Variants in SYNE2 observed in about 807,000 individuals in gnomAD.
SYNE2 encodes spectrin repeat containing nuclear envelope protein 2.
A neutral mutation model predicts 856.3 loss-of-function variants in SYNE2; 431 were observed. That is an observed-to-expected ratio of 0.50 (90% confidence interval 0.47 to 0.55). The LOEUF (loss-of-function observed/expected upper bound fraction) is 0.55, where lower values mean the gene tolerates loss of function less well. Ranked by LOEUF, SYNE2 falls within the 20% of genes least tolerant of loss-of-function variation. SYNE2 has a pLI of 0.00. For missense variants in SYNE2, 8,129 were observed against 8,023.2 expected (o/e 1.01, Z -0.50); for synonymous variants, 2,923 against 2,872.3 (o/e 1.02, Z -0.56).
At chr14:64,047,857 T>G (rs1005067713) in intron 45 of SYNE2, 143 bp from the exon 46 acceptor site, 11 of 866,620 alleles carry the variant, frequency 1.3e-5, no homozygotes, top group Middle Eastern at 3.6e-4. Context: ...TATGGAAAAA[T>G]CATCTTTCGT....
intron 1 of SYNE2, among the ~76,000 whole-genome samples, chr14:63,791,183 A>G (rs1225917061): frequency 6.6e-6 from 1 of 152,050 alleles, no homozygotes; most frequent in Non-Finnish European, 1.5e-5. Context: ...GCTGGTCTTG[A>G]ACTTCTGACC....
chr14:64,184,360 G>GTGTGTA (rs1555532282), intron 96 of SYNE2, among the ~76,000 whole-genome samples: 31 of 151,670 alleles, frequency 2.0e-4, no homozygotes, highest in Admixed American at 9.9e-4. Context: ...GTGTGTGTGT[G>GTGTGTA]TGTATGTGTA....
intron 51 of SYNE2, among the ~76,000 whole-genome samples, chr14:64,068,197 A>G (rs2097372348): frequency 6.6e-6 from 1 of 152,116 alleles, no homozygotes; most frequent in African/African-American, 2.4e-5. Context: ...TGTTCTGACA[A>G]GTGCACACGG....
chr14:64,102,348 T>C (rs2097737835), intron 64 of SYNE2, among the ~76,000 whole-genome samples: 1 of 152,140 alleles, frequency 6.6e-6, no homozygotes, highest in Non-Finnish European at 1.5e-5. Flanking sequence ...TAGCTTTGCT[T>C]CCTCTCTTCC....
intron 1 of SYNE2, among the ~76,000 whole-genome samples, chr14:63,774,483 A>G (rs575816186): frequency 9.7e-4 from 147 of 151,528 alleles, no homozygotes; most frequent in African/African-American, 3.3e-3. Context: ...AAAAAAAAAA[A>G]AAAGAAAAAA....
chr14:64,168,755 A>G (rs2098395888), intron 92 of SYNE2, 122 bp from the exon 93 acceptor site: 3 of 723,316 alleles, frequency 4.1e-6, no homozygotes, highest in Non-Finnish European at 4.8e-6. Flanking sequence ...AGGTTCAAAT[A>G]ATATGAAAAT....
At chr14:63,969,335 ATTTTTTTTTTT>A (rs150514197) in intron 11 of SYNE2, among the ~76,000 whole-genome samples, 3 of 81,644 alleles carry the variant, frequency 3.7e-5, no homozygotes, top group South Asian at 9.2e-4. Flanking sequence ...TGCCTGGCTA[ATTTTTTTTTTT>A]TTTTTTTTTT....
intron 66 of SYNE2, among the ~76,000 whole-genome samples, chr14:64,114,605 T>A (rs2153658849): frequency 6.6e-6 from 1 of 151,604 alleles, no homozygotes. Context: ...TCTCGGCACC[T>A]CTGATCTCAA....
At chr14:64,155,798 T>C in intron 85 of SYNE2, among the ~76,000 whole-genome samples, 1 of 152,184 alleles carries the variant, frequency 6.6e-6, no homozygotes, top group Non-Finnish European at 1.5e-5. Flanking sequence ...TGTGGTGGCA[T>C]GCACCTGTAA....
intron 34 of SYNE2, among the ~76,000 whole-genome samples, chr14:64,019,272 CAA>C (rs5809210): frequency 7.0e-6 from 1 of 143,164 alleles, no homozygotes; most frequent in Admixed American, 6.9e-5. Context: ...GACTCCGTCT[CAA>C]AAAAAAAAAA....
intron 85 of SYNE2, among the ~76,000 whole-genome samples, chr14:64,153,586 A>G (rs2098262681): frequency 6.6e-6 from 1 of 152,202 alleles, no homozygotes; most frequent in Admixed American, 6.5e-5. Flanking sequence ...CCAGGAATGT[A>G]GCAGAAAAAT....
intron 1 of SYNE2, among the ~76,000 whole-genome samples, chr14:63,890,982 C>T (rs1027348204): frequency 6.6e-6 from 1 of 152,230 alleles, no homozygotes; most frequent in East Asian, 1.9e-4. Context: ...AAGCACTCAA[C>T]TGGTATTTGT....
intron 94 of SYNE2, among the ~76,000 whole-genome samples, chr14:64,171,200 T>C (rs187651358): frequency 2.2e-4 from 33 of 152,336 alleles, no homozygotes; most frequent in African/African-American, 7.7e-4. Context: ...GCATGTCCCA[T>C]GGAGCTGTAG....
upstream of SYNE2, chr14:63,852,938 C>A (rs1052975675): frequency 4.0e-5 from 6 of 151,750 alleles, no homozygotes; most frequent in African/African-American, 1.5e-4. Context: ...CGGAGGCGGG[C>A]GGCGGGCGGG....
chr14:64,206,559 T>A (rs977909628), intron 100 of SYNE2, among the ~76,000 whole-genome samples: 1 of 151,742 alleles, frequency 6.6e-6, no homozygotes, highest in African/African-American at 2.4e-5. Flanking sequence ...TGAAAATGTT[T>A]GGGCTTTTTT....
upstream of SYNE2, among the ~76,000 whole-genome samples, chr14:63,850,387 C>T (rs1166651846): frequency 4.6e-5 from 7 of 151,716 alleles, no homozygotes; most frequent in South Asian, 2.1e-4. Context: ...TGCACCTGGC[C>T]GACAACATAC....
In SYNE2 at chr14:63,846,132, C is replaced by G. The variant is rs558085576; in HGVS notation, c.-304-6369C>G. On this transcript the variant is annotated intron_variant, in intron 1 of 23. Coordinates refer to the SYNE2 transcript ENST00000674003. ...TGGTGCTATTATGGCTCACCAGAGC[C>G]TCAACTCCTGGGCCCAAGCAATCCT... Among the ~76,000 whole-genome samples, 8 of 151,160 alleles carry G rather than the reference C, an allele frequency of 5.3e-5. No homozygotes were observed. In the South Asian group the frequency reaches 1.0e-3, roughly 20 times the overall value.
At chr14:64,185,756 G>A (rs1395391226) in intron 96 of SYNE2, among the ~76,000 whole-genome samples, 2 of 152,064 alleles carry the variant, frequency 1.3e-5, no homozygotes, top group African/African-American at 4.8e-5. Flanking sequence ...CCTGACCTCA[G>A]GTGATCCGTC....
intron 2 of SYNE2, among the ~76,000 whole-genome samples, chr14:63,927,927 T>C (rs1166087953): frequency 6.6e-6 from 1 of 151,880 alleles, no homozygotes; most frequent in African/African-American, 2.4e-5. Flanking sequence ...TCTGCCATGA[T>C]TGTTAGGCCT....
Sources: gnomAD v4.1 joint callset for allele counts (sites outside exome capture counted in the v4.1 genomes callset) on GRCh38, gnomAD v4.1.1 for gene constraint, MANE v1.5 for transcripts, NCBI Gene and HGNC (gene_info 2026-07-23, HGNC 2026-07-21) for gene names.